Variants in NDUFS1 observed in about 807,000 individuals in gnomAD.
NDUFS1 encodes the protein NADH-ubiquinone oxidoreductase 75 kDa subunit, mitochondrial.
NDUFS1 carries 61 observed loss-of-function variants against 84.4 expected under a neutral mutation model. The observed-to-expected ratio is 0.72, with a 90% CI of 0.59 to 0.89. NDUFS1 has a LOEUF of 0.89. Among genes scored for constraint, NDUFS1 ranks in the 40% least tolerant of loss-of-function variants. NDUFS1 has a pLI of 0.00. For synonymous variants in NDUFS1, 275 were observed against 290.0 expected, an observed-to-expected ratio of 0.95 and a Z score of 0.53; for missense variants, 891 against 890.0, an observed-to-expected ratio of 1.00 and a Z score of -0.01.
Position 206,133,044 on chromosome 2 carries a change from T to A in NDUFS1, c.1454A>T (p.Asp485Val). 1 of 1,613,784 alleles carries A rather than the reference T, an allele frequency of 6.2e-7. No individual in the cohort carries two copies. The highest frequency in any genetic ancestry group is 8.5e-7 in the Non-Finnish European group (1 of 1,179,770). Residue 485 changes from aspartate (D) to valine (V), a missense_variant, in exon 14 of 19, where the codon GAT becomes GTT. Physicochemically the swap from Asp to Val is radical, Grantham distance 152. Coordinates refer to ENST00000233190, the MANE Select transcript of NDUFS1 (RefSeq NM_005006.7). Reference protein sequence around the residue: ...VLGSSALQRNDGAAILAAVSS... With the variant: ...VLGSSALQRNVGAAILAAVSS... ...AACAGCTGCAAGAATTGCTGCTCCA[T>A]CATTTCTTTGGAGTGCAGAACTGCC...
intron 14 of NDUFS1, among the ~76,000 whole-genome samples, chr2:206,131,685 C>T (rs1251402799): frequency 6.6e-6 from 1 of 152,102 alleles, no homozygotes; most frequent in Non-Finnish European, 1.5e-5. Flanking sequence ...CACCTGTAAT[C>T]CCAGCACTTT....
In NDUFS1 at chr2:206,149,826, C is replaced by T. The variant is rs774069983; in HGVS notation, c.253G>A (p.Ala85Thr). 11 of 1,609,656 alleles carry T rather than the reference C, an allele frequency of 6.8e-6. No homozygotes were observed. In the South Asian group the frequency reaches 1.1e-4, roughly 16 times the overall value. ...CRMCLVEIEK[A>T]PKVVAACAMP... is the part of the protein sequence containing the mutation. ...TTTTAGGTATCAAGTACCTTAGGGG[C>T]TTTCTCAATTTCAACAAGGCACATC... Residue 85 changes from alanine (A) to threonine (T), a missense_variant, in exon 4 of 19, where the codon GCC becomes ACC. Physicochemically the swap from Ala to Thr is moderately conservative, Grantham distance 58. Transcript: ENST00000233190.
chr2:206,124,939 CCACTT>C (rs1265483009), intron 18 of NDUFS1, among the ~76,000 whole-genome samples: 2 of 152,048 alleles, frequency 1.3e-5, no homozygotes, highest in African/African-American at 4.8e-5. Flanking sequence ...ATTGAATTGT[CCACTT>C]CATGAGTAAA....
chr2:206,125,705 A>G (rs1483686497), intron 18 of NDUFS1, among the ~76,000 whole-genome samples: 2 of 151,540 alleles, frequency 1.3e-5, no homozygotes, highest in Non-Finnish European at 2.9e-5. Context: ...GGCTTTTTAC[A>G]CCAGTAAACT....
In NDUFS1 at chr2:206,123,620, T is replaced by C. The variant is rs2105939284; in HGVS notation, c.*565A>G. ...TCAGTAAAATGAGATAATACTACTA[T>C]CTCACAGGGTTGTAGCAAGAACAAA... On this transcript the variant is annotated 3_prime_UTR_variant, in exon 19 of 19. Transcript: ENST00000233190. The C allele has an allele frequency of 6.6e-6, 1 of 152,560 alleles. No homozygotes were observed. Among genetic ancestry groups the C allele is most frequent in the Middle Eastern group, 3.4e-3 (1 of 294 alleles). 9.5% of individuals were successfully genotyped at this position (152,560 alleles called of 1,614,324 possible).
chr2:206,157,786 T>G (rs2105778564), intron 1 of NDUFS1, among the ~76,000 whole-genome samples: 1 of 152,250 alleles, frequency 6.6e-6, no homozygotes, highest in African/African-American at 2.4e-5. Flanking sequence ...AATAATTATC[T>G]CTTTGGATGG....
intron 14 of NDUFS1, 22 bp downstream of exon 14, chr2:206,132,923 A>G: frequency 6.3e-7 from 1 of 1,596,850 alleles, no homozygotes; most frequent in South Asian, 1.1e-5. Context: ...TTTATAGTAT[A>G]TAAAGCAATT....
intron 5 of NDUFS1, among the ~76,000 whole-genome samples, 168 bp from the exon 6 acceptor site, chr2:206,148,002 C>T (rs1195782092): frequency 1.3e-5 from 2 of 152,038 alleles, no homozygotes; most frequent in Non-Finnish European, 2.9e-5. Context: ...ACTGCAGCCT[C>T]CTGCCTCCAC....
At position 206,115,546 on chromosome 2, in the gene NDUFS1, A is replaced by ATT. The variant is rs35336229; in HGVS notation, c.*8637_*8638dup. 286 of 168,406 alleles carry ATT rather than the reference A, an allele frequency of 1.7e-3. 2 individuals are homozygous for ATT. The highest frequency in any genetic ancestry group is 2.8e-3 in the Middle Eastern group (1 of 358). The allele number at this position is 168,406 out of a possible 1,614,324, so 10.4% of individuals were successfully genotyped here. On this transcript the variant is annotated 3_prime_UTR_variant, in exon 19 of 19. Coordinates refer to ENST00000233190, the MANE Select transcript of NDUFS1 (RefSeq NM_005006.7). ...TGGCCTCCAGAATTGTAAGAAGTAAATTTTTTTTTTTTTTAACGAAGAAGT... is the reference window on the plus strand; with the variant it reads ...TGGCCTCCAGAATTGTAAGAAGTAAATTTTTTTTTTTTTTTTAACGAAGAAGT...
At chr2:206,157,231 G>A (rs933995931) in intron 1 of NDUFS1, among the ~76,000 whole-genome samples, 1 of 152,186 alleles carries the variant, frequency 6.6e-6, no homozygotes, top group African/African-American at 2.4e-5. Context: ...GATTACAGAC[G>A]TGAGTCACCG....
rs749130410 is a variant in NDUFS1 at position 206,153,667 on chromosome 2, T to G, written c.12A>C (p.Ile4=). 76 of 1,508,566 alleles carry G rather than the reference T, an allele frequency of 5.0e-5. No individual in the cohort carries two copies. Among genetic ancestry groups the G allele is most frequent in the Non-Finnish European group, 6.8e-5 (74 of 1,090,876 alleles). The allele number at this position is 1,508,566 out of a possible 1,614,324, so 93.4% of individuals were successfully genotyped here. The change falls in exon 2 of 19, where the codon ATA becomes ATC. Residue 4 remains isoleucine (I), a synonymous_variant. Transcript: ENST00000233190. ...GGCCTACTAAGGCCTTTCTTACAGGTATCCTTAACATATTGCTAAAAATAA... is the reference window on the plus strand; with the variant it reads ...GGCCTACTAAGGCCTTTCTTACAGGGATCCTTAACATATTGCTAAAAATAA... MLR[I]PVRKALVGLS...
intron 4 of NDUFS1, 118 bp from the exon 5 acceptor site, chr2:206,149,214 C>T: frequency 2.6e-6 from 2 of 767,154 alleles, no homozygotes; most frequent in Non-Finnish European, 4.2e-6. Flanking sequence ...TGATAACAGG[C>T]AAAGAATAGG....
chr2:206,156,192 G>A (rs1035267894), intron 1 of NDUFS1, among the ~76,000 whole-genome samples: 65 of 151,124 alleles, frequency 4.3e-4, no homozygotes, highest in African/African-American at 1.5e-3. Flanking sequence ...GAACCCGGGA[G>A]GCGGAGCTTG....
chr2:206,136,865 C>G (rs940461770), intron 13 of NDUFS1, among the ~76,000 whole-genome samples: 1 of 151,998 alleles, frequency 6.6e-6, no homozygotes, highest in African/African-American at 2.4e-5. Context: ...AAGCGATTCT[C>G]CTGCCTCAGC....
At chr2:206,155,841 A>C (rs982346738) in intron 1 of NDUFS1, among the ~76,000 whole-genome samples, 2 of 150,586 alleles carry the variant, frequency 1.3e-5, no homozygotes, top group Non-Finnish European at 2.9e-5. Flanking sequence ...GGCGTGAGCC[A>C]CCACGCCCGG....
chr2:206,154,035 T>C (rs1687523748), intron 1 of NDUFS1, among the ~76,000 whole-genome samples: 1 of 152,258 alleles, frequency 6.6e-6, no homozygotes, highest in Non-Finnish European at 1.5e-5. Flanking sequence ...TTAATGGTTA[T>C]GTAAAATAAA....
chr2:206,139,768 C>T (rs1691862343), intron 12 of NDUFS1, among the ~76,000 whole-genome samples: 1 of 150,294 alleles, frequency 6.7e-6, no homozygotes, highest in Non-Finnish European at 1.5e-5. Flanking sequence ...TCTTTCACTC[C>T]CGTAGTTTAG....
At chr2:206,140,247 G>A (rs531156582) in intron 12 of NDUFS1, among the ~76,000 whole-genome samples, 102 of 152,172 alleles carry the variant, frequency 6.7e-4, no homozygotes, top group South Asian at 1.5e-3. Context: ...TACTCAGGAG[G>A]TTGTGGTGGG....
At chr2:206,136,205 C>T (rs191007508) in intron 13 of NDUFS1, among the ~76,000 whole-genome samples, 11 of 151,700 alleles carry the variant, frequency 7.3e-5, no homozygotes, top group African/African-American at 1.9e-4. Context: ...CCACTACAAC[C>T]GGCTAATTTT....
Sources: gnomAD v4.1 joint callset for allele counts (sites outside exome capture counted in the v4.1 genomes callset) on GRCh38, gnomAD v4.1.1 for gene constraint, MANE v1.5 for transcripts, NCBI Gene and HGNC (gene_info 2026-07-23, HGNC 2026-07-21) for gene names.